GNAI1: variants seen among roughly 807,000 people sequenced by gnomAD.
The protein encoded by GNAI1 is G protein subunit alpha i1.
A neutral mutation model predicts 38.9 loss-of-function variants in GNAI1; 11 were observed. The observed-to-expected ratio is 0.28, with a 90% CI of 0.18 to 0.47. The LOEUF is 0.47. Ranked by LOEUF, GNAI1 falls within the 20% of genes least tolerant of loss-of-function variation. The pLI, the probability that GNAI1 is intolerant of heterozygous loss-of-function variation, is 0.99. For synonymous variants in GNAI1, 166 were observed against 145.1 expected (o/e 1.14, Z -1.04); for missense variants, 317 against 436.9 (o/e 0.73, Z 2.45).
At chr7:80,137,114 G>C (rs1787428775) in intron 1 of GNAI1, among the ~76,000 whole-genome samples, 1 of 151,962 alleles carries the variant, frequency 6.6e-6, no homozygotes, top group Admixed American at 6.6e-5. Flanking sequence ...TCCTCTGGGG[G>C]CAAAATACAG....
chr7:80,197,270 T>C (rs193149839), intron 3 of GNAI1, among the ~76,000 whole-genome samples: 4 of 151,796 alleles, frequency 2.6e-5, no homozygotes, highest in Admixed American at 6.6e-5. Context: ...ATCTCACTTA[T>C]ATGTAGAATT....
At chr7:80,153,768 T>G (rs1787768960) in intron 1 of GNAI1, among the ~76,000 whole-genome samples, 2 of 152,186 alleles carry the variant, frequency 1.3e-5, no homozygotes, top group South Asian at 4.1e-4. Flanking sequence ...TTCTTGCACT[T>G]TGGTGATTGC....
At chr7:80,190,724 A>C (rs1195028844) in intron 3 of GNAI1, among the ~76,000 whole-genome samples, 2 of 152,158 alleles carry the variant, frequency 1.3e-5, no homozygotes, top group African/African-American at 2.4e-5. Flanking sequence ...CCTTTTGCCA[A>C]ATTCACATAT....
rs1447411106 is a variant in GNAI1 at position 80,134,949 on chromosome 7, A to G, written c.-212A>G. 2 of 383,954 alleles carry G rather than the reference A, an allele frequency of 5.2e-6. No homozygotes were observed. Among genetic ancestry groups the G allele is most frequent in the African/African-American group, 4.2e-5 (2 of 48,044 alleles). The allele number at this position is 383,954 out of a possible 1,614,324, so 23.8% of individuals were successfully genotyped here. ...TTGGGGGCGCTGAGCCGGGCCGGGA[A>G]GCAGAGCCTGGTCGTGAGGAACAGC... On this transcript the variant is annotated 5_prime_UTR_variant, in exon 1 of 8. Coordinates refer to ENST00000649796, the MANE Select transcript of GNAI1 (RefSeq NM_002069.6).
intron 3 of GNAI1, among the ~76,000 whole-genome samples, chr7:80,190,807 C>T (rs1435878028): frequency 6.6e-6 from 1 of 152,112 alleles, no homozygotes; most frequent in African/African-American, 2.4e-5. Context: ...TTTAGGAGAT[C>T]ATGAAGGGTC....
chr7:80,158,346 AT>A (rs1787855103), intron 1 of GNAI1, among the ~76,000 whole-genome samples: 1 of 152,174 alleles, frequency 6.6e-6, no homozygotes, highest in African/African-American at 2.4e-5. Flanking sequence ...CCACATACTT[AT>A]GAAATTCTTG....
chr7:80,212,112 T>C (rs566448105), intron 6 of GNAI1, among the ~76,000 whole-genome samples: 1 of 152,122 alleles, frequency 6.6e-6, no homozygotes, highest in Non-Finnish European at 1.5e-5. Context: ...GACGATTGTA[T>C]TTTTAAAATC....
chr7:80,157,128 C>A (rs1466771678), intron 1 of GNAI1, among the ~76,000 whole-genome samples: 1 of 152,186 alleles, frequency 6.6e-6, no homozygotes, highest in Non-Finnish European at 1.5e-5. Context: ...TCCCTCCTAC[C>A]TTATGCTAAG....
intron 1 of GNAI1, among the ~76,000 whole-genome samples, chr7:80,186,226 T>G (rs545841767): frequency 6.6e-6 from 1 of 152,126 alleles, no homozygotes; most frequent in African/African-American, 2.4e-5. Flanking sequence ...AGAGACAGGA[T>G]TTCACCATAT....
intron 5 of GNAI1, among the ~76,000 whole-genome samples, chr7:80,205,925 C>T (rs1788766728): frequency 6.6e-6 from 1 of 151,996 alleles, no homozygotes; most frequent in Non-Finnish European, 1.5e-5. Context: ...TTTGCTTCAG[C>T]TAACTCTGTT....
intron 1 of GNAI1, among the ~76,000 whole-genome samples, chr7:80,188,629 A>G (rs1053549728): frequency 6.6e-6 from 1 of 152,224 alleles, no homozygotes; most frequent in African/African-American, 2.4e-5. Context: ...ATGAACATAT[A>G]CATCATTTCA....
intron 1 of GNAI1, among the ~76,000 whole-genome samples, chr7:80,179,929 T>C (rs1313965696): frequency 6.6e-6 from 1 of 152,184 alleles, no homozygotes; most frequent in Non-Finnish European, 1.5e-5. Context: ...TACTGGACAG[T>C]AAACCTATTT....
At chr7:80,179,341 A>T (rs952506916) in intron 1 of GNAI1, among the ~76,000 whole-genome samples, 3 of 152,200 alleles carry the variant, frequency 2.0e-5, no homozygotes, top group Admixed American at 2.0e-4. Flanking sequence ...TTTCTGATTC[A>T]GTAAACGCTG....
intron 4 of GNAI1, among the ~76,000 whole-genome samples, chr7:80,202,520 A>G (rs1411537638): frequency 2.0e-5 from 3 of 152,246 alleles, no homozygotes; most frequent in Admixed American, 1.3e-4. Context: ...ATTTTCTTAC[A>G]GTAAAGTAGA....
intron 5 of GNAI1, among the ~76,000 whole-genome samples, chr7:80,208,283 G>C (rs1261865995): frequency 6.6e-6 from 1 of 152,082 alleles, no homozygotes; most frequent in Non-Finnish European, 1.5e-5. Context: ...TAGAAGTTCA[G>C]AACTTAACAG....
intron 1 of GNAI1, among the ~76,000 whole-genome samples, chr7:80,164,331 G>A (rs924325879): frequency 4.0e-5 from 6 of 150,298 alleles, no homozygotes; most frequent in South Asian, 2.1e-4. Context: ...GTAAGCCACC[G>A]CACCTGGCTG....
intron 1 of GNAI1, among the ~76,000 whole-genome samples, chr7:80,172,768 T>C (rs1311426235): frequency 6.6e-6 from 1 of 152,236 alleles, no homozygotes; most frequent in Non-Finnish European, 1.5e-5. Context: ...CTTACTTATT[T>C]TCTTTCCGTG....
At position 80,217,655 on chromosome 7, in the gene GNAI1, A is replaced by G. The variant is rs895644986; in HGVS notation, c.*162A>G. The G allele has an allele frequency of 5.2e-5, 24 of 460,952 alleles. No individual in the cohort carries two copies. Among genetic ancestry groups the G allele is most frequent in the Middle Eastern group, 5.2e-4 (1 of 1,934 alleles). 28.6% of individuals were successfully genotyped at this position (460,952 alleles called of 1,614,324 possible). A position where few individuals can be genotyped will look rare whatever the true frequency, so the allele number is the denominator to read the frequency against. On this transcript the variant is annotated 3_prime_UTR_variant, in exon 8 of 8. Coordinates refer to ENST00000649796, the MANE Select transcript of GNAI1 (RefSeq NM_002069.6). ...TTTTGTTTTTTTAACTGAAAGTAAC[A>G]GAAGGACCTTTCTTAAATGTGACAG...
At chr7:80,161,874 C>G (rs1228319921) in intron 1 of GNAI1, among the ~76,000 whole-genome samples, 1 of 152,124 alleles carries the variant, frequency 6.6e-6, no homozygotes, top group Non-Finnish European at 1.5e-5. Context: ...GAAAGATGCT[C>G]AGTTTTTTAT....
Sources: allele counts gnomAD v4.1 joint callset (sites outside exome capture counted in the v4.1 genomes callset), GRCh38; gene constraint gnomAD v4.1.1; transcripts MANE v1.5; gene names NCBI Gene and HGNC (gene_info 2026-07-23, HGNC 2026-07-21).